The following CNTNAP2 variants were observed in gnomAD, a reference collection of about 807,000 sequenced individuals.
CNTNAP2 encodes the protein contactin-associated protein-like 2.
In CNTNAP2, 98 loss-of-function variants were observed where a neutral mutation model predicts 155.2. The ratio of observed to expected loss-of-function variants is 0.63; its 90% confidence interval spans 0.54 to 0.75. The LOEUF is 0.75. Ranked by LOEUF, CNTNAP2 falls within the 30% of genes least tolerant of loss-of-function variation. The pLI, the probability that CNTNAP2 is intolerant of heterozygous loss-of-function variation, is 0.00. For synonymous variants in CNTNAP2, 651 were observed against 631.2 expected, an observed-to-expected ratio of 1.03 and a Z score of -0.47; for missense variants, 1,727 against 1,688.1, an observed-to-expected ratio of 1.02 and a Z score of -0.40.
At chr7:148,028,852 C>T (rs767340359) in intron 15 of CNTNAP2, among the ~76,000 whole-genome samples, 4 of 152,088 alleles carry the variant, frequency 2.6e-5, no homozygotes, top group Non-Finnish European at 5.9e-5. Flanking sequence ...AGTATGAAGC[C>T]GTGAAACTGA....
intron 17 of CNTNAP2, among the ~76,000 whole-genome samples, chr7:148,164,712 C>T (rs1010203983): frequency 1.9e-4 from 28 of 149,750 alleles, no homozygotes; most frequent in South Asian, 4.2e-4. Flanking sequence ...GCTCCACCTC[C>T]TGGGTTCAAG....
chr7:147,170,013 G>T (rs1288192188), intron 8 of CNTNAP2, among the ~76,000 whole-genome samples: 1 of 151,864 alleles, frequency 6.6e-6, no homozygotes, highest in East Asian at 1.9e-4. Flanking sequence ...GGGTAAGGAG[G>T]CACTCTGGCT....
At chr7:146,254,519 A>C (rs1325371270) in intron 1 of CNTNAP2, among the ~76,000 whole-genome samples, 1 of 152,238 alleles carries the variant, frequency 6.6e-6, no homozygotes, top group Admixed American at 6.5e-5. Flanking sequence ...ATTTGATAGC[A>C]TGGTTTCCAA....
chr7:146,774,142 T>G (rs1250087670), intron 1 of CNTNAP2, 129 bp from the exon 2 acceptor site: 6 of 719,108 alleles, frequency 8.3e-6, no homozygotes, highest in Non-Finnish European at 1.5e-5. Flanking sequence ...CTAAATTCCT[T>G]TGCTAAATAT....
intron 23 of CNTNAP2, among the ~76,000 whole-genome samples, chr7:148,410,968 G>A (rs923161791): frequency 3.3e-5 from 5 of 152,120 alleles, no homozygotes; most frequent in Non-Finnish European, 2.9e-5. Context: ...CCTTATATAC[G>A]TGTAACAAAT....
intron 23 of CNTNAP2, among the ~76,000 whole-genome samples, chr7:148,413,482 T>C (rs1799902902): frequency 7.1e-6 from 1 of 141,474 alleles, no homozygotes; most frequent in Admixed American, 7.0e-5. Flanking sequence ...TTTTCTGGTT[T>C]TAGTGTCAGG....
chr7:146,458,309 A>G (rs1796586912), intron 1 of CNTNAP2, among the ~76,000 whole-genome samples: 1 of 152,204 alleles, frequency 6.6e-6, no homozygotes, highest in South Asian at 2.1e-4. Flanking sequence ...ATAAAAGTTG[A>G]TGACAAAGAA....
rs1394756014 is a variant in CNTNAP2, at chr7:146,671,079, G to T, written c.98-103192G>T. The stretch of plus-strand genomic sequence containing the variant: ...CTTGACCAGGACAGCTTATCTCAGA[G>T]TTAGAAAACTCCCAACCCTTCTCTC... On this transcript the variant is annotated intron_variant, in intron 1 of 23. Coordinates refer to ENST00000361727, the MANE Select transcript of CNTNAP2 (RefSeq NM_014141.6). 2.0e-5 allele frequency among the ~76,000 whole-genome samples: 3 copies of T among 152,282 alleles called. No homozygotes were observed. In the South Asian group the frequency reaches 6.2e-4, roughly 32 times the overall value.
At chr7:147,326,113 A>G (rs1584874888) in intron 9 of CNTNAP2, among the ~76,000 whole-genome samples, 1 of 152,122 alleles carries the variant, frequency 6.6e-6, no homozygotes, top group Non-Finnish European at 1.5e-5. Context: ...TTTAGTAGAG[A>G]TGGGGTTTCA....
At chr7:146,564,555 A>C (rs1798328409) in intron 1 of CNTNAP2, among the ~76,000 whole-genome samples, 1 of 148,502 alleles carries the variant, frequency 6.7e-6, no homozygotes, top group Non-Finnish European at 1.5e-5. Flanking sequence ...TTTGCAAATA[A>C]ATATTATATA....
At chr7:147,582,831 G>A (rs1425917169) in intron 12 of CNTNAP2, among the ~76,000 whole-genome samples, 2 of 152,104 alleles carry the variant, frequency 1.3e-5, no homozygotes, top group Non-Finnish European at 2.9e-5. Context: ...TATAGCCAAA[G>A]CTACTAATAT....
At chr7:148,336,467 T>C (rs1798116492) in intron 21 of CNTNAP2, among the ~76,000 whole-genome samples, 1 of 151,718 alleles carries the variant, frequency 6.6e-6, no homozygotes, top group South Asian at 2.1e-4. Context: ...TCGGTTGCTT[T>C]TAAAAAGAGA....
intron 13 of CNTNAP2, among the ~76,000 whole-genome samples, chr7:147,639,871 G>A (rs1238280206): frequency 6.6e-6 from 1 of 152,176 alleles, no homozygotes; most frequent in South Asian, 2.1e-4. Context: ...GTGCAAGACT[G>A]TGTCCGGGTG....
Position 148,079,706 on chromosome 7 carries a change from G to T in CNTNAP2, c.2384-38412G>T, listed in dbSNP as rs140357241. ...AATACTTGGATTTCTTTCAGGACCT[G>T]CTATCTGTCATGTAATGCTATACTA... On this transcript the variant is annotated intron_variant, in intron 15 of 23. Transcript: ENST00000361727. 8.2e-4 allele frequency among the ~76,000 whole-genome samples: 125 copies of T among 152,288 alleles called. 2 individuals are homozygous for T. Among genetic ancestry groups the T allele is most frequent in the Admixed American group, 4.3e-3 (66 of 15,296 alleles).
intron 13 of CNTNAP2, among the ~76,000 whole-genome samples, chr7:147,833,243 A>T (rs1798583301): frequency 6.6e-6 from 1 of 152,066 alleles, no homozygotes; most frequent in Non-Finnish European, 1.5e-5. Flanking sequence ...CAGAGGCATG[A>T]AACAATAGAA....
chr7:146,141,710 A>C (rs1240245239), intron 1 of CNTNAP2, among the ~76,000 whole-genome samples: 2 of 152,132 alleles, frequency 1.3e-5, no homozygotes, highest in African/African-American at 4.8e-5. Flanking sequence ...TGAAGTTAAA[A>C]ATCTGATTTC....
intron 1 of CNTNAP2, among the ~76,000 whole-genome samples, chr7:146,287,042 T>C (rs1416288425): frequency 6.6e-6 from 1 of 152,180 alleles, no homozygotes; most frequent in Non-Finnish European, 1.5e-5. Flanking sequence ...GAGCAAGTAT[T>C]GCTAAGAGTC....
At chr7:147,370,361 T>G (rs1395129485) in intron 9 of CNTNAP2, among the ~76,000 whole-genome samples, 2 of 152,180 alleles carry the variant, frequency 1.3e-5, no homozygotes, top group Non-Finnish European at 2.9e-5. Context: ...GGGCAGTCAT[T>G]GTCTCTCTGA....
At chr7:147,290,664 CAG>C (rs1244125419) in intron 8 of CNTNAP2, among the ~76,000 whole-genome samples, 1 of 121,108 alleles carries the variant, frequency 8.3e-6, no homozygotes, top group Non-Finnish European at 1.6e-5. Flanking sequence ...GCCTCAGTGA[CAG>C]AGTGAGACTC....
Sources: allele counts gnomAD v4.1 joint callset (sites outside exome capture counted in the v4.1 genomes callset), GRCh38; gene constraint gnomAD v4.1.1; transcripts MANE v1.5; gene names NCBI Gene and HGNC (gene_info 2026-07-23, HGNC 2026-07-21).